BACE2: variants seen among roughly 807,000 people sequenced by gnomAD.
The protein encoded by BACE2 is 56 kDa aspartic-like protease.
A neutral mutation model predicts 46.2 loss-of-function variants in BACE2; 17 were observed. The observed-to-expected ratio is 0.37, with a 90% CI of 0.25 to 0.55. The LOEUF (loss-of-function observed/expected upper bound fraction) is 0.55. BACE2 is among the 20% of genes least tolerant of loss of function. The pLI is 0.82. For missense variants in BACE2, 595 were observed against 698.1 expected (o/e 0.85, Z 1.66); for synonymous variants, 277 against 295.9 (o/e 0.94, Z 0.66).
chr21:41,216,181 A>T (rs1470416206), intron 1 of BACE2, among the ~76,000 whole-genome samples: 1 of 152,152 alleles, frequency 6.6e-6, no homozygotes, highest in Non-Finnish European at 1.5e-5. Flanking sequence ...CAACACGAGA[A>T]AGGTCCATTT....
At chr21:41,220,752 T>C (rs2123563378) in intron 1 of BACE2, among the ~76,000 whole-genome samples, 1 of 151,356 alleles carries the variant, frequency 6.6e-6, no homozygotes, top group South Asian at 2.1e-4. Flanking sequence ...GATTACATTC[T>C]ATCTGAAATC....
chr21:41,169,839 T>C (rs964301438), intron 1 of BACE2, among the ~76,000 whole-genome samples: 2 of 152,210 alleles, frequency 1.3e-5, no homozygotes, highest in Non-Finnish European at 2.9e-5. Context: ...GTGAGTGATC[T>C]TTGCCATCTC....
chr21:41,217,143 G>T (rs183962432), intron 1 of BACE2, among the ~76,000 whole-genome samples: 13 of 152,282 alleles, frequency 8.5e-5, no homozygotes, highest in African/African-American at 3.1e-4. Context: ...TGTTGGTCAG[G>T]CTGGTCTTGA....
intron 2 of BACE2, among the ~76,000 whole-genome samples, chr21:41,234,521 T>C (rs1196450431): frequency 6.6e-6 from 1 of 152,184 alleles, no homozygotes; most frequent in Non-Finnish European, 1.5e-5. Context: ...ATCACAGAGA[T>C]CCCATGGCCT....
At chr21:41,246,858 G>A (rs1156616705) in intron 6 of BACE2, among the ~76,000 whole-genome samples, 1 of 152,156 alleles carries the variant, frequency 6.6e-6, no homozygotes, top group Non-Finnish European at 1.5e-5. Context: ...GAGAGCCTCC[G>A]TCTTCTCAAC....
chr21:41,211,590 G>T (rs1986304586), intron 1 of BACE2, among the ~76,000 whole-genome samples: 1 of 152,258 alleles, frequency 6.6e-6, no homozygotes, highest in South Asian at 2.1e-4. Context: ...TAATAACTGT[G>T]GGCAAACAGC....
At chr21:41,245,788 G>T (rs1309878490) in intron 5 of BACE2, among the ~76,000 whole-genome samples, 174 bp from the exon 6 acceptor site, 2 of 152,214 alleles carry the variant, frequency 1.3e-5, no homozygotes, top group Non-Finnish European at 2.9e-5. Context: ...TGTTGGGTTG[G>T]AAGACCCCTG....
At chr21:41,247,338 C>G (rs1040139150) in intron 6 of BACE2, among the ~76,000 whole-genome samples, 1 of 152,210 alleles carries the variant, frequency 6.6e-6, no homozygotes, top group African/African-American at 2.4e-5. Flanking sequence ...GGCGGCCAGC[C>G]ACTGGCGCAG....
chr21:41,256,540 C>A (rs1987792517), intron 7 of BACE2, among the ~76,000 whole-genome samples: 1 of 152,154 alleles, frequency 6.6e-6, no homozygotes, highest in Admixed American at 6.5e-5. Flanking sequence ...GCTTCCTCTG[C>A]ACAATAAAAC....
At chr21:41,177,721 G>A (rs563913953) in intron 1 of BACE2, 1 of 152,388 alleles carries the variant, frequency 6.6e-6, no homozygotes, top group Non-Finnish European at 1.5e-5. Context: ...GCAAATTCCA[G>A]GCTGCTAGTA....
At chr21:41,231,553 G>C (rs914387305) in intron 2 of BACE2, among the ~76,000 whole-genome samples, 2 of 152,162 alleles carry the variant, frequency 1.3e-5, no homozygotes, top group African/African-American at 4.8e-5. Context: ...CCAACAGCAG[G>C]TTTCTTTTGA....
chr21:41,265,144 G>A (rs1405439404), intron 8 of BACE2, among the ~76,000 whole-genome samples: 1 of 147,622 alleles, frequency 6.8e-6, no homozygotes, highest in Non-Finnish European at 1.5e-5. Context: ...CTCCCTCAGA[G>A]GTAATCATAC....
chr21:41,264,909 A>G (rs751104399), intron 8 of BACE2, among the ~76,000 whole-genome samples: 1 of 152,186 alleles, frequency 6.6e-6, no homozygotes, highest in Non-Finnish European at 1.5e-5. Context: ...ACTTGAGGCC[A>G]GGAGGTCAAG....
chr21:41,207,258 A>C (rs1377118696), intron 1 of BACE2, among the ~76,000 whole-genome samples: 1 of 152,192 alleles, frequency 6.6e-6, no homozygotes, highest in Admixed American at 6.5e-5. Flanking sequence ...TTGGGAAAGG[A>C]AGAAGCTAAT....
intron 7 of BACE2, among the ~76,000 whole-genome samples, chr21:41,254,090 C>G (rs561839521): frequency 6.6e-6 from 1 of 152,274 alleles, no homozygotes; most frequent in East Asian, 1.9e-4. Flanking sequence ...CTACCTGGGA[C>G]CTCTCAAACA....
chr21:41,212,865 T>A (rs1986342834), intron 1 of BACE2, among the ~76,000 whole-genome samples: 1 of 152,222 alleles, frequency 6.6e-6, no homozygotes, highest in Admixed American at 6.5e-5. Flanking sequence ...CTTGGACATT[T>A]AAGAGACAAG....
chr21:41,232,312 T>C (rs1986988083), intron 2 of BACE2, among the ~76,000 whole-genome samples: 1 of 152,160 alleles, frequency 6.6e-6, no homozygotes, highest in African/African-American at 2.4e-5. Context: ...CGCCTTGACC[T>C]CCTTAGCTGA....
chr21:41,221,171 G>A (rs556675649), intron 1 of BACE2, among the ~76,000 whole-genome samples: 7 of 152,076 alleles, frequency 4.6e-5, no homozygotes, highest in East Asian at 1.9e-4. Flanking sequence ...TTCATTGGTC[G>A]GGAGGGAATT....
At chr21:41,185,904 C>T (rs906070529) in intron 1 of BACE2, among the ~76,000 whole-genome samples, 1 of 152,158 alleles carries the variant, frequency 6.6e-6, no homozygotes, top group Non-Finnish European at 1.5e-5. Context: ...AGTGTCCTGC[C>T]TTAAACAATT....
Sources: allele counts gnomAD v4.1 joint callset (sites outside exome capture counted in the v4.1 genomes callset), GRCh38; gene constraint gnomAD v4.1.1; transcripts MANE v1.5; gene names NCBI Gene and HGNC (gene_info 2026-07-23, HGNC 2026-07-21).